HDAC3: variants seen among roughly 807,000 people sequenced by gnomAD.
The protein encoded by HDAC3 is histone deacetylase 3.
Under a neutral mutation model 62.3 loss-of-function variants are expected in HDAC3, and 21 were observed. The ratio of observed to expected loss-of-function variants is 0.34; its 90% CI spans 0.24 to 0.49. The LOEUF (loss-of-function observed/expected upper bound fraction) is 0.49. Ranked by LOEUF, HDAC3 falls within the 20% of genes least tolerant of loss-of-function variation. The pLI, the probability that HDAC3 is intolerant of heterozygous loss-of-function variation, is 0.99. For synonymous variants in HDAC3, 198 were observed against 206.5 expected (o/e 0.96, Z 0.35); for missense variants, 270 against 556.9 (o/e 0.48, Z 5.19).
In HDAC3 at chr5:141,625,893, G is replaced by A; in HGVS notation, c.979+120C>T. 1 of 1,287,044 alleles carries A rather than the reference G, an allele frequency of 7.8e-7. No homozygotes were observed. Among genetic ancestry groups the A allele is most frequent in the Non-Finnish European group, 1.1e-6 (1 of 883,298 alleles). The allele number at this position is 1,287,044 out of a possible 1,614,324, so 79.7% of individuals were successfully genotyped here. A position where few individuals can be genotyped will look rare whatever the true frequency, so the allele number is the denominator to read the frequency against. ...CAATCTCTTCCCTGCTCTGAGCCCA[G>A]GGGTTTAGTCTGCAGAGCTCTGAGA... On this transcript the variant is annotated intron_variant, in intron 12 of 14. Coordinates refer to ENST00000305264, the MANE Select transcript of HDAC3 (RefSeq NM_003883.4). The surrounding 1 kb of genome is among the most constrained non-coding windows in gnomAD (Gnocchi z 4.0).
At position 141,628,736 on chromosome 5, in the gene HDAC3, T is replaced by A; in HGVS notation, c.611-97A>T. 1 of 838,750 alleles carries A rather than the reference T, an allele frequency of 1.2e-6. No individual in the cohort carries two copies. Among genetic ancestry groups the A allele is most frequent in the Non-Finnish European group, 2.0e-6 (1 of 512,372 alleles). 52.0% of individuals were successfully genotyped at this position (838,750 alleles called of 1,614,324 possible). ...CACTCTGGGAGCCTCTCATTCCATCTATGTAGCTTCACCATAAACTCCCTA... is the reference window on the plus strand; with the variant it reads ...CACTCTGGGAGCCTCTCATTCCATCAATGTAGCTTCACCATAAACTCCCTA... On this transcript the variant is annotated intron_variant, in intron 7 of 14. Coordinates refer to ENST00000305264, the MANE Select transcript of HDAC3 (RefSeq NM_003883.4). This position sits in a 1 kb window ranked among gnomAD's most constrained non-coding sequence, Gnocchi z 4.7.
Position 141,630,125 on chromosome 5 carries a change from G to A in HDAC3, c.282C>T (p.Cys94=). The A allele has an allele frequency of 6.2e-7, 1 of 1,613,836 alleles. No individual in the cohort carries two copies. Among genetic ancestry groups the A allele is most frequent in the Non-Finnish European group, 8.5e-7 (1 of 1,180,026 alleles). ...SLNAFNVGDD[C]PVFPGLFEFC... ...ACTCAAAGAGCCCGGGAAACACTGG[G>A]CTGCAGGGAAGAGGAACAAGTTGGA... Residue 94 remains cysteine (C), a splice_region_variant and synonymous_variant, in exon 4 of 15, where the codon TGC becomes TGT. Coordinates refer to ENST00000305264, the MANE Select transcript of HDAC3 (RefSeq NM_003883.4).
chr5:141,636,533 G>A lies in HDAC3; in HGVS notation c.138+15C>T, dbSNP rs764559559. 1.2e-6 allele frequency: 2 copies of A among 1,612,902 alleles called. No individual in the cohort carries two copies. Among genetic ancestry groups the A allele is most frequent in the South Asian group, 2.2e-5 (2 of 91,058 alleles). ...GCCCCACCCCCCAACCCCCGGCCGA[G>A]GCGGCGGAACTCACGATCATCTTCT... On this transcript the variant is annotated intron_variant, in intron 2 of 14. Transcript: ENST00000305264.
intron 3 of HDAC3, among the ~76,000 whole-genome samples, chr5:141,633,825 C>CAAAAAAAAAAAAAAAAAA (rs11291105): frequency 1.4e-5 from 1 of 74,010 alleles, no homozygotes; most frequent in Non-Finnish European, 2.6e-5. Flanking sequence ...GACTCTGTCT[C>CAAAAAAAAAAAAAAAAAA]AAAAAAAAAA....
chr5:141,632,840 G>A (rs2154598012), intron 3 of HDAC3, among the ~76,000 whole-genome samples: 1 of 152,222 alleles, frequency 6.6e-6, no homozygotes, highest in Non-Finnish European at 1.5e-5. Flanking sequence ...TGAGGTGTAG[G>A]GATAAAGTTG....
Position 141,636,824 on chromosome 5 carries a change from GC to G in HDAC3, c.-35del. ...CGGGAGCAGGCCCCGCACCTCCGCC[GC>G]CCGCCGCCCGCGGCCGCCGCCAGCC... On this transcript the variant is annotated 5_prime_UTR_variant, in exon 1 of 15. Coordinates refer to ENST00000305264, the MANE Select transcript of HDAC3 (RefSeq NM_003883.4). 6.8e-7 allele frequency: 1 copy of G among 1,476,842 alleles called. No homozygotes were observed. Among genetic ancestry groups the G allele is most frequent in the Non-Finnish European group, 8.9e-7 (1 of 1,118,336 alleles). The allele number at this position is 1,476,842 out of a possible 1,614,324, so 91.5% of individuals were successfully genotyped here.
At position 141,629,651 on chromosome 5, in the gene HDAC3, G is replaced by A. The variant is rs773066288; in HGVS notation, c.476+33C>T. ...AGAGACCTCCTCAGCCAAGAATCCC[G>A]TAACTGCCCCCATCTCCTCCTGGGC... On this transcript the variant is annotated intron_variant, in intron 6 of 14. Coordinates refer to ENST00000305264, the MANE Select transcript of HDAC3 (RefSeq NM_003883.4). This position sits in a 1 kb window ranked among gnomAD's most constrained non-coding sequence, Gnocchi z 5.3. 19 of 1,608,664 alleles carry A rather than the reference G, an allele frequency of 1.2e-5. No homozygotes were observed. The highest frequency in any genetic ancestry group is 5.0e-5 in the Admixed American group (3 of 59,964).
At chr5:141,634,068 G>T (rs1012965775) in intron 3 of HDAC3, among the ~76,000 whole-genome samples, 8 of 152,130 alleles carry the variant, frequency 5.3e-5, no homozygotes. Context: ...TCCCCAGAGG[G>T]TCTAACCCTG....
chr5:141,625,270 CAGG>C lies in HDAC3; in HGVS notation c.1152_1154del (p.Leu385del), dbSNP rs1398566058. 6.2e-6 allele frequency: 10 copies of C among 1,614,142 alleles called. No individual in the cohort carries two copies. Among genetic ancestry groups the C allele is most frequent in the Non-Finnish European group, 8.5e-6 (10 of 1,180,006 alleles). Reference sequence around the variant, plus strand: ...CAGCCTCATCAGTCCTGTCATAGGTCAGGAGGTCTGCAGGCACGTCATGAATCT... The same window carrying C: ...CAGCCTCATCAGTCCTGTCATAGGTCAGGTCTGCAGGCACGTCATGAATCT... On this transcript the variant is annotated inframe_deletion, in exon 14 of 15. Transcript: ENST00000305264. This position sits in a 1 kb window ranked among gnomAD's most constrained non-coding sequence, Gnocchi z 4.0.
intron 3 of HDAC3, among the ~76,000 whole-genome samples, chr5:141,631,194 T>A (rs1355442246): frequency 1.3e-5 from 2 of 152,092 alleles, no homozygotes; most frequent in African/African-American, 4.8e-5. Context: ...GTTTTTTGTT[T>A]GTTTGTTTTT....
At position 141,628,657 on chromosome 5, in the gene HDAC3, GT is replaced by G. The variant is rs905679496; in HGVS notation, c.611-19del. ...CATGTCACCTGTAGGGAAGTGGGTG[GT>G]GGTAGCCACACATGGGAAGCACCCA... is the stretch of plus-strand genomic sequence containing the variant. On this transcript the variant is annotated intron_variant, in intron 7 of 14. Transcript: ENST00000305264. The surrounding 1 kb of genome is among the most constrained non-coding windows in gnomAD (Gnocchi z 4.7). 1.9e-6 allele frequency: 3 copies of G among 1,605,374 alleles called. No individual in the cohort carries two copies. In the African/African-American group the frequency reaches 4.0e-5, roughly 21 times the overall value.
At chr5:141,623,610 A>T (rs1355985339) in intron 14 of HDAC3, among the ~76,000 whole-genome samples, 1 of 152,236 alleles carries the variant, frequency 6.6e-6, no homozygotes, top group Non-Finnish European at 1.5e-5. Context: ...CCAGATGTTC[A>T]GACACTTCCT....
In HDAC3 at chr5:141,634,929, G is replaced by T. The variant is rs1166437021; in HGVS notation, c.163C>A (p.Gln55Lys). Residue 55 changes from glutamine (Q) to lysine (K), a missense_variant, in exon 3 of 15, where the codon CAA (glutamine) becomes AAA (lysine). Gln to Lys is a moderately conservative substitution (Grantham distance 53). Transcript: ENST00000305264. ...GAGTGGAAGCGGCACATGTCATGTT[G>T]GGAGGCCTGGTATGGCTTGAAGACC... ...MIVFKPYQAS[Q>K]HDMCRFHSED... is the part of the protein sequence containing the mutation. 1 of 1,613,814 alleles carries T rather than the reference G, an allele frequency of 6.2e-7. No individual in the cohort carries two copies. Among genetic ancestry groups the T allele is most frequent in the Non-Finnish European group, 8.5e-7 (1 of 1,179,978 alleles).
intron 3 of HDAC3, among the ~76,000 whole-genome samples, chr5:141,633,825 CAAA>C (rs11291105): frequency 1.1e-4 from 8 of 74,010 alleles, no homozygotes; most frequent in African/African-American, 3.6e-4. Context: ...GACTCTGTCT[CAAA>C]AAAAAAAAAA....
intron 3 of HDAC3, among the ~76,000 whole-genome samples, chr5:141,634,495 C>T (rs1194729833): frequency 1.6e-4 from 25 of 152,122 alleles, no homozygotes; most frequent in Admixed American, 1.6e-3. Flanking sequence ...AAGGCCCCAC[C>T]GACCAGCCAC....
chr5:141,634,942 T>G lies in HDAC3; in HGVS notation c.150A>C (p.Pro50=). The G allele has an allele frequency of 6.2e-7, 1 of 1,613,906 alleles. No individual in the cohort carries two copies. The highest frequency in any genetic ancestry group is 1.3e-5 in the African/African-American group (1 of 75,012). The change falls in exon 3 of 15, where the codon CCA becomes CCC. Residue 50 remains proline (P), a synonymous_variant. Coordinates refer to ENST00000305264, the MANE Select transcript of HDAC3 (RefSeq NM_003883.4). ...ACATGTCATGTTGGGAGGCCTGGTA[T>G]GGCTTGAAGACCTCGGGATGGAGAC... The part of the protein sequence containing the change: ...GLYKKMIVFK[P]YQASQHDMCR...
At chr5:141,624,673 G>C (rs2099904211) in intron 14 of HDAC3, among the ~76,000 whole-genome samples, 1 of 151,594 alleles carries the variant, frequency 6.6e-6, no homozygotes, top group Non-Finnish European at 1.5e-5. Context: ...GGGGTTCATT[G>C]CCACATTATT....
intron 14 of HDAC3, 46 bp from the exon 15 acceptor site, chr5:141,621,583 ATCT>A: frequency 6.6e-7 from 1 of 1,519,798 alleles, no homozygotes; most frequent in Non-Finnish European, 9.1e-7. Flanking sequence ...CTAAGTTCTA[ATCT>A]TCTCCCAGCA....
At chr5:141,636,352 G>A in intron 2 of HDAC3, 196 bp downstream of exon 2, 1 of 612,634 alleles carries the variant, frequency 1.6e-6, no homozygotes, top group South Asian at 1.9e-5. Context: ...CCGACCTGAG[G>A]TGAGAAAGTA....
Sources: allele counts gnomAD v4.1 joint callset (sites outside exome capture counted in the v4.1 genomes callset), GRCh38; gene constraint gnomAD v4.1.1; non-coding constraint Gnocchi (gnomAD v3.1); transcripts MANE v1.5; gene names NCBI Gene and HGNC (gene_info 2026-07-23, HGNC 2026-07-21).